Variants in SARDH observed in about 807,000 individuals in gnomAD.
SARDH encodes the protein sarcosine dehydrogenase, mitochondrial.
Under a neutral mutation model 109.1 loss-of-function variants are expected in SARDH, and 95 were observed. That is an observed-to-expected ratio of 0.87 (90% confidence interval 0.74 to 1.03). SARDH has a LOEUF of 1.03. Ranked by LOEUF, SARDH falls within the 50% of genes least tolerant of loss-of-function variation. The probability of loss-of-function intolerance (pLI) is 0.00; values close to 1 mark genes in which losing one functional copy is unlikely to be tolerated. For synonymous variants in SARDH, 572 were observed against 534.8 expected, an observed-to-expected ratio of 1.07 and a Z score of -0.96; for missense variants, 1,267 against 1,287.8, an observed-to-expected ratio of 0.98 and a Z score of 0.25.
intron 8 of SARDH, among the ~76,000 whole-genome samples, chr9:133,714,980 T>C (rs1354746930): frequency 6.6e-6 from 1 of 152,182 alleles, no homozygotes; most frequent in Non-Finnish European, 1.5e-5. Context: ...GTTTCACAAA[T>C]GACTCATGCG....
rs1830073245 is a variant in SARDH at position 133,666,590 on chromosome 9, C to CT, written c.2631+144dup. On this transcript the variant is annotated intron_variant, in intron 20 of 20. Transcript: ENST00000439388. The surrounding 1 kb of genome is among the most constrained non-coding windows in gnomAD (Gnocchi z 5.2). ...CCTTCCTCCCCCTCTTCCCTCCTCCCTCCTTTCTCTTCCCTCCTCCTCTTC... is the reference window on the plus strand; with the variant it reads ...CCTTCCTCCCCCTCTTCCCTCCTCCCTTCCTTTCTCTTCCCTCCTCCTCTTC... The CT allele has an allele frequency of 5.4e-6, 6 of 1,104,352 alleles. No individual in the cohort carries two copies. Among genetic ancestry groups the CT allele is most frequent in the Non-Finnish European group, 7.6e-6 (6 of 786,974 alleles). The allele number at this position is 1,104,352 out of a possible 1,614,324, so 68.4% of individuals were successfully genotyped here.
At chr9:133,713,246 C>A in intron 8 of SARDH, 122 bp from the exon 9 acceptor site, 1 of 749,592 alleles carries the variant, frequency 1.3e-6, no homozygotes, top group Non-Finnish European at 2.2e-6. Flanking sequence ...AACCCCCTCC[C>A]TCCTCTAGGC....
chr9:133,669,605 C>G lies in SARDH; in HGVS notation c.2495+979G>C, dbSNP rs186754192. 1.7e-3 allele frequency among the ~76,000 whole-genome samples: 260 copies of G among 152,142 alleles called. 2 individuals are homozygous for G. The highest frequency in any genetic ancestry group is 5.7e-3 in the African/African-American group (237 of 41,554). ...CCAGTAGCCCAGGGATCACGTGCGC[C>G]GGGCTCCAGCAGCATGCTCAAAGCC... is the stretch of plus-strand genomic sequence containing the variant. On this transcript the variant is annotated intron_variant, in intron 19 of 20. Transcript: ENST00000439388.
upstream of SARDH, among the ~76,000 whole-genome samples, chr9:133,739,446 A>T (rs1003278133): frequency 3.3e-5 from 5 of 152,314 alleles, 1 homozygote; most frequent in African/African-American, 9.6e-5. Context: ...GACATCTAAG[A>T]CCCAGCCCCT....
At chr9:133,682,287 G>A (rs957365755) in intron 17 of SARDH, among the ~76,000 whole-genome samples, 2 of 152,220 alleles carry the variant, frequency 1.3e-5, no homozygotes, top group African/African-American at 4.8e-5. Flanking sequence ...GAACAGTCAC[G>A]ACATTCGGAG....
intron 17 of SARDH, among the ~76,000 whole-genome samples, chr9:133,672,041 G>T (rs1462577839): frequency 6.6e-6 from 1 of 152,278 alleles, no homozygotes; most frequent in Non-Finnish European, 1.5e-5. Context: ...ACTCTCTCTC[G>T]GTTCTGCAGG....
At chr9:133,705,866 T>C (rs1410142896) in intron 11 of SARDH, among the ~76,000 whole-genome samples, 1 of 152,102 alleles carries the variant, frequency 6.6e-6, no homozygotes, top group Non-Finnish European at 1.5e-5. Context: ...CTGGAGCCCT[T>C]ATAGGAGGAG....
Position 133,709,085 on chromosome 9 carries a change from C to A in SARDH, c.1329-657G>T, listed in dbSNP as rs1160562037. ...CCAGCTGTGTCTGGGGAGCGGCTGC[C>A]CAATCCAGCGCCTGGGACCGGAGAT... On this transcript the variant is annotated intron_variant, in intron 10 of 20. Coordinates refer to ENST00000439388, the MANE Select transcript of SARDH (RefSeq NM_001134707.2). This position sits in a 1 kb window ranked among gnomAD's most constrained non-coding sequence, Gnocchi z 4.2. 5.3e-5 allele frequency among the ~76,000 whole-genome samples: 8 copies of A among 152,180 alleles called. No homozygotes were observed. The highest frequency in any genetic ancestry group is 8.8e-5 in the Non-Finnish European group (6 of 68,020).
In SARDH at chr9:133,704,716, G is replaced by C. The variant is rs748533289; in HGVS notation, c.1554+232C>G. ...CATGGAAGGCCTGGCCACAGCGGAC[G>C]GGTAGTGGGGAGGACGAGGAGTGGG... On this transcript the variant is annotated intron_variant, in intron 12 of 20. Transcript: ENST00000439388. This position sits in a 1 kb window ranked among gnomAD's most constrained non-coding sequence, Gnocchi z 4.5. 1.3e-5 allele frequency among the ~76,000 whole-genome samples: 2 copies of C among 152,216 alleles called. No individual in the cohort carries two copies. Among genetic ancestry groups the C allele is most frequent in the African/African-American group, 4.8e-5 (2 of 41,446 alleles).
At chr9:133,727,594 A>C (rs1275728236) in intron 6 of SARDH, among the ~76,000 whole-genome samples, 2 of 152,216 alleles carry the variant, frequency 1.3e-5, no homozygotes, top group African/African-American at 4.8e-5. Context: ...TGGAAGGGAC[A>C]ACTTCCAGAC....
intron 11 of SARDH, among the ~76,000 whole-genome samples, chr9:133,707,394 A>G (rs1395675596): frequency 6.6e-6 from 1 of 152,136 alleles, no homozygotes; most frequent in African/African-American, 2.4e-5. Flanking sequence ...GTGTGGCCTG[A>G]GATCATAGCT....
At position 133,718,382 on chromosome 9, in the gene SARDH, T is replaced by TCCTGAAAGAGGCCCTCTCCATGC; in HGVS notation, c.1020+555_1020+556insGCATGGAGAGGGCCTCTTTCAGG. The TCCTGAAAGAGGCCCTCTCCATGC allele has an allele frequency of 5.9e-6, 2 of 341,780 alleles. No homozygotes were observed. Among genetic ancestry groups the TCCTGAAAGAGGCCCTCTCCATGC allele is most frequent in the East Asian group, 5.7e-5 (1 of 17,628 alleles). The allele number at this position is 341,780 out of a possible 1,614,324, so 21.2% of individuals were successfully genotyped here. On this transcript the variant is annotated intron_variant, in intron 7 of 20. Transcript: ENST00000439388. This position sits in a 1 kb window ranked among gnomAD's most constrained non-coding sequence, Gnocchi z 4.2. ...CCACCGTGCCCAGCCATTTGTTTGT[T>TCCTGAAAGAGGCCCTCTCCATGC]TATTGTATGTCTCTCCACCAAAATA...
intron 16 of SARDH, among the ~76,000 whole-genome samples, chr9:133,688,442 G>T (rs1457666139): frequency 1.3e-5 from 2 of 152,052 alleles, no homozygotes; most frequent in East Asian, 3.9e-4. Flanking sequence ...GAGCCGCATG[G>T]ACTCAGCTCA....
intron 4 of SARDH, among the ~76,000 whole-genome samples, chr9:133,730,474 A>ATTTTT (rs1188374392): frequency 0.013 from 1,534 of 116,562 alleles, 9 homozygotes; most frequent in East Asian, 0.025. Context: ...TTTTTTTAAA[A>ATTTTT]AAAAAAAGCA....
Position 133,670,606 on chromosome 9 carries a change from GGCGCCGGCGGAGGCCTGCGGC to G in SARDH, c.2452_2472del (p.Ala818_Arg824del). On this transcript the variant is annotated inframe_deletion, in exon 19 of 21. Coordinates refer to ENST00000439388, the MANE Select transcript of SARDH (RefSeq NM_001134707.2). ...CACTCCTCCATGGTGAAGCACACCAGGCGCCGGCGGAGGCCTGCGGCCCGCTGCTGCTCCAGGGCCTCCCTC... is the reference window on the plus strand; with the variant it reads ...CACTCCTCCATGGTGAAGCACACCAGCCGCTGCTGCTCCAGGGCCTCCCTC... 6.3e-7 allele frequency: 1 copy of G among 1,576,024 alleles called. No individual in the cohort carries two copies. The highest frequency in any genetic ancestry group is 8.6e-7 in the Non-Finnish European group (1 of 1,161,062).
At chr9:133,730,251 C>T (rs1029564831) in intron 4 of SARDH, 64 bp from the exon 5 acceptor site, 11 of 1,587,582 alleles carry the variant, frequency 6.9e-6, no homozygotes, top group Non-Finnish European at 9.4e-6. Context: ...TCCCACCCCA[C>T]TCCAACCAAC....
chr9:133,707,459 C>T (rs1564275797), intron 11 of SARDH, among the ~76,000 whole-genome samples: 1 of 152,144 alleles, frequency 6.6e-6, no homozygotes, highest in Admixed American at 6.5e-5. Context: ...GCCCTGTGAC[C>T]ACTCTGGGCC....
rs868260227 is a variant in SARDH, at chr9:133,686,488, C to T, written c.2070-1202G>A. On this transcript the variant is annotated intron_variant, in intron 16 of 20. Transcript: ENST00000439388. This position sits in a 1 kb window ranked among gnomAD's most constrained non-coding sequence, Gnocchi z 4.0. ...CTCGTTGTCCAAGATCCCACAGTCT[C>T]CTGCCAGGGTGTCTCTCACATTGGT... 1.3e-5 allele frequency among the ~76,000 whole-genome samples: 2 copies of T among 152,168 alleles called. No homozygotes were observed. Among genetic ancestry groups the T allele is most frequent in the Admixed American group, 6.5e-5 (1 of 15,274 alleles).
chr9:133,730,339 T>C, intron 4 of SARDH, 152 bp from the exon 5 acceptor site: 3 of 1,022,398 alleles, frequency 2.9e-6, no homozygotes, highest in Non-Finnish European at 4.2e-6. Flanking sequence ...GGAAACCGGA[T>C]GACCACAGCG....
Sources: allele counts gnomAD v4.1 joint callset (sites outside exome capture counted in the v4.1 genomes callset), GRCh38; gene constraint gnomAD v4.1.1; non-coding constraint Gnocchi (gnomAD v3.1); transcripts MANE v1.5; gene names NCBI Gene and HGNC (gene_info 2026-07-23, HGNC 2026-07-21).